The following RAB20 variants were observed in gnomAD, a reference collection of about 807,000 sequenced individuals.
RAB20 encodes RAB20, member RAS oncogene family, also known as ras-related protein Rab-20.
In RAB20, 2 loss-of-function variants were observed where a neutral mutation model predicts 3.7. The observed-to-expected ratio is 0.54, with a 90% CI of 0.22 to 1.69. The LOEUF is 1.69. Among genes scored for constraint, RAB20 ranks in the 40% most tolerant of loss-of-function variants. The probability of loss-of-function intolerance (pLI) is 0.19; values close to 1 mark genes in which losing one functional copy is unlikely to be tolerated. For synonymous variants in RAB20, 126 were observed against 130.8 expected, an observed-to-expected ratio of 0.96 and a Z score of 0.25; for missense variants, 276 against 311.9, an observed-to-expected ratio of 0.88 and a Z score of 0.87.
At chr13:110,531,086 TTTA>T (rs1259498260) in intron 1 of RAB20, among the ~76,000 whole-genome samples, 1 of 151,978 alleles carries the variant, frequency 6.6e-6, no homozygotes, top group African/African-American at 2.4e-5. Context: ...GTCCTCAGGG[TTTA>T]TTATGCTCGT....
intron 1 of RAB20, among the ~76,000 whole-genome samples, chr13:110,541,015 C>T (rs776622012): frequency 6.6e-6 from 1 of 152,186 alleles, no homozygotes; most frequent in African/African-American, 2.4e-5. Flanking sequence ...GCTCAGGAGG[C>T]CTGGCTGGGT....
chr13:110,534,244 A>G (rs1953203063), intron 1 of RAB20, among the ~76,000 whole-genome samples: 1 of 152,198 alleles, frequency 6.6e-6, no homozygotes, highest in African/African-American at 2.4e-5. Flanking sequence ...AGACAGCAAC[A>G]AAGCAACCTT....
At chr13:110,532,936 C>T (rs2139577015) in intron 1 of RAB20, among the ~76,000 whole-genome samples, 1 of 152,338 alleles carries the variant, frequency 6.6e-6, no homozygotes, top group East Asian at 1.9e-4. Context: ...CCAACTTGGC[C>T]TCCCAAAGTG....
intron 1 of RAB20, among the ~76,000 whole-genome samples, chr13:110,538,630 A>G (rs1044725899): frequency 4.6e-5 from 7 of 151,092 alleles, no homozygotes; most frequent in Non-Finnish European, 8.9e-5. Flanking sequence ...AAAGAAAAGA[A>G]AAGAAAAGAA....
chr13:110,557,487 C>T (rs1441878638), intron 1 of RAB20, among the ~76,000 whole-genome samples: 7 of 152,180 alleles, frequency 4.6e-5, no homozygotes, highest in African/African-American at 1.4e-4. Flanking sequence ...CCTGGTGTGG[C>T]CACATAACCT....
intron 1 of RAB20, 61 bp from the exon 2 acceptor site, chr13:110,524,258 C>G (rs2139571809): frequency 1.3e-6 from 2 of 1,513,708 alleles, no homozygotes; most frequent in African/African-American, 2.8e-5. Context: ...TAGCCACCAG[C>G]CACACTGCAA....
chr13:110,554,126 A>G (rs531623143), intron 1 of RAB20, among the ~76,000 whole-genome samples: 8 of 152,286 alleles, frequency 5.3e-5, no homozygotes, highest in African/African-American at 1.9e-4. Flanking sequence ...AAAAAATTAA[A>G]TAATTATATA....
At chr13:110,529,180 G>T (rs902747996) in intron 1 of RAB20, among the ~76,000 whole-genome samples, 1 of 152,242 alleles carries the variant, frequency 6.6e-6, no homozygotes, top group Non-Finnish European at 1.5e-5. Context: ...ACTACAACTT[G>T]ACCTTTTGCA....
chr13:110,552,732 TAAA>T (rs1283872361), intron 1 of RAB20, among the ~76,000 whole-genome samples: 5 of 151,174 alleles, frequency 3.3e-5, no homozygotes, highest in African/African-American at 1.2e-4. Context: ...AATAAATAAA[TAAA>T]AATTTCTATT....
intron 1 of RAB20, among the ~76,000 whole-genome samples, chr13:110,533,149 G>A (rs528795386): frequency 7.2e-5 from 11 of 152,346 alleles, no homozygotes; most frequent in African/African-American, 2.4e-4. Flanking sequence ...CAGCAGCAGC[G>A]CAGCCTAGAG....
intron 1 of RAB20, among the ~76,000 whole-genome samples, chr13:110,531,862 A>G (rs1292792513): frequency 6.6e-6 from 1 of 152,122 alleles, no homozygotes; most frequent in African/African-American, 2.4e-5. Context: ...AGATCAGTGG[A>G]GCTGACATGG....
chr13:110,523,425 C>T lies in RAB20; in HGVS notation c.*240G>A. The T allele has an allele frequency of 1.3e-6, 1 of 787,790 alleles. No homozygotes were observed. The highest frequency in any genetic ancestry group is 1.9e-6 in the Non-Finnish European group (1 of 513,966). The allele number at this position is 787,790 out of a possible 1,614,324, so 48.8% of individuals were successfully genotyped here. On this transcript the variant is annotated 3_prime_UTR_variant, in exon 2 of 2. Coordinates refer to ENST00000267328, the MANE Select transcript of RAB20 (RefSeq NM_017817.3). ...GAGAGCACCAGGGGTCTCGACTCTG[C>T]AGATTGGGCTTTGCAGAGGATTCCT...
chr13:110,561,593 T>C lies in RAB20; in HGVS notation c.-74A>G. Reference sequence around the variant, plus strand: ...CCGGCTCGTGCGCCCTGGGCGCAGCTGGAGGAGCGGACCCCGGACTCGCCG... The same window carrying C: ...CCGGCTCGTGCGCCCTGGGCGCAGCCGGAGGAGCGGACCCCGGACTCGCCG... On this transcript the variant is annotated 5_prime_UTR_variant, in exon 1 of 2. Transcript: ENST00000267328. The C allele has an allele frequency of 1.3e-6, 2 of 1,491,950 alleles. No homozygotes were observed. The highest frequency in any genetic ancestry group is 1.8e-6 in the Non-Finnish European group (2 of 1,124,142). 92.4% of individuals were successfully genotyped at this position (1,491,950 alleles called of 1,614,324 possible).
At chr13:110,551,683 G>A (rs938714740) in intron 1 of RAB20, among the ~76,000 whole-genome samples, 2 of 152,096 alleles carry the variant, frequency 1.3e-5, no homozygotes, top group South Asian at 2.1e-4. Flanking sequence ...CTGTTTAGGC[G>A]TGTGTGTTTG....
At chr13:110,548,462 C>A (rs563904843) in intron 1 of RAB20, among the ~76,000 whole-genome samples, 68 of 124,698 alleles carry the variant, frequency 5.5e-4, no homozygotes, top group East Asian at 1.8e-3. Flanking sequence ...CCAGCCTGGG[C>A]AAGAGAATGA....
At chr13:110,544,297 C>G (rs1034122237) in intron 1 of RAB20, among the ~76,000 whole-genome samples, 1 of 152,138 alleles carries the variant, frequency 6.6e-6, no homozygotes, top group Non-Finnish European at 1.5e-5. Context: ...ATTACTATAG[C>G]TTTGTAGCAT....
At chr13:110,560,841 C>T (rs1885116815) in intron 1 of RAB20, among the ~76,000 whole-genome samples, 1 of 152,044 alleles carries the variant, frequency 6.6e-6, no homozygotes, top group Admixed American at 6.6e-5. Flanking sequence ...CAGATATGCT[C>T]CGGGCTAAGA....
rs150673027 is a variant in RAB20 at position 110,559,364 on chromosome 13, G to A, written c.172+1984C>T. ...TCTGTGGGGTGGAGAGAAAGTTTAGGAGCTCAGCAAAAGAAGGAAAAGAAC... is the reference window on the plus strand; with the variant it reads ...TCTGTGGGGTGGAGAGAAAGTTTAGAAGCTCAGCAAAAGAAGGAAAAGAAC... On this transcript the variant is annotated intron_variant, in intron 1 of 1. Transcript: ENST00000267328. Among the ~76,000 whole-genome samples, 280 of 152,266 alleles carry A rather than the reference G, an allele frequency of 1.8e-3. 1 individual carries two copies. Among genetic ancestry groups the A allele is most frequent in the Middle Eastern group, 6.8e-3 (2 of 294 alleles).
intron 1 of RAB20, among the ~76,000 whole-genome samples, chr13:110,527,900 TACACACACACACACACAC>T (rs61582404): frequency 1.0e-4 from 14 of 138,124 alleles, no homozygotes; most frequent in South Asian, 2.4e-4. Context: ...TCTCTACAAA[TACACACACACACACACAC>T]ACACACACAC....
Sources: gnomAD v4.1 joint callset for allele counts (sites outside exome capture counted in the v4.1 genomes callset) on GRCh38, gnomAD v4.1.1 for gene constraint, MANE v1.5 for transcripts, NCBI Gene and HGNC (gene_info 2026-07-23, HGNC 2026-07-21) for gene names.